Variants in SENP7 observed in about 807,000 individuals in gnomAD.
SENP7 encodes sentrin-specific protease 7.
Under a neutral mutation model 141.2 loss-of-function variants are expected in SENP7, and 64 were observed. The ratio of observed to expected loss-of-function variants is 0.45; its 90% confidence interval spans 0.37 to 0.56. The LOEUF (loss-of-function observed/expected upper bound fraction) is 0.56. Ranked by LOEUF, SENP7 falls within the 20% of genes least tolerant of loss-of-function variation. The pLI, the probability that SENP7 is intolerant of heterozygous loss-of-function variation, is 0.00. For synonymous variants in SENP7, 382 were observed against 426.4 expected, an observed-to-expected ratio of 0.90 and a Z score of 1.28; for missense variants, 1,025 against 1,212.2, an observed-to-expected ratio of 0.85 and a Z score of 2.29.
chr3:101,361,089 C>G (rs1273221831), intron 11 of SENP7, among the ~76,000 whole-genome samples: 1 of 151,910 alleles, frequency 6.6e-6, no homozygotes, highest in Non-Finnish European at 1.5e-5. Flanking sequence ...CCTGTAGTCC[C>G]AGCTACTCGG....
intron 3 of SENP7, among the ~76,000 whole-genome samples, chr3:101,468,156 G>GA (rs1267297573): frequency 1.3e-5 from 2 of 152,084 alleles, no homozygotes; most frequent in Admixed American, 6.5e-5. Context: ...CAAGGTTAGA[G>GA]AAAAAAGAGT....
chr3:101,425,378 C>T (rs2061927339), intron 4 of SENP7, among the ~76,000 whole-genome samples: 1 of 152,194 alleles, frequency 6.6e-6, no homozygotes, highest in African/African-American at 2.4e-5. Context: ...TTAGAGCACA[C>T]AGTCCAGGAG....
At position 101,425,777 on chromosome 3, in the gene SENP7, C is replaced by G. The variant is rs966851711; in HGVS notation, c.285-7987G>C. Reference sequence around the variant, plus strand: ...AGCTAAGAATCACAATAAAAAAATGCAGGAGCTAACAGACAAAATAGCCAG... The same window carrying G: ...AGCTAAGAATCACAATAAAAAAATGGAGGAGCTAACAGACAAAATAGCCAG... On this transcript the variant is annotated intron_variant, in intron 4 of 23. Transcript: ENST00000394095. Among the ~76,000 whole-genome samples, 6 of 152,096 alleles carry G rather than the reference C, an allele frequency of 3.9e-5. No homozygotes were observed. The South Asian group carries it at 1.2e-3, about 32-fold the overall frequency.
At chr3:101,329,775 TAAA>T (rs762298259) in intron 20 of SENP7, among the ~76,000 whole-genome samples, 2 of 100,454 alleles carry the variant, frequency 2.0e-5, no homozygotes. Context: ...CCATCTCTAC[TAAA>T]AAAAAAAAAA....
intron 5 of SENP7, among the ~76,000 whole-genome samples, chr3:101,405,390 T>C (rs1189859130): frequency 6.6e-6 from 1 of 152,118 alleles, no homozygotes; most frequent in Admixed American, 6.5e-5. Context: ...GCGAGAGTAC[T>C]ATAATAAGGG....
At chr3:101,481,211 A>G (rs1303221761) in intron 3 of SENP7, among the ~76,000 whole-genome samples, 1 of 152,204 alleles carries the variant, frequency 6.6e-6, no homozygotes, top group East Asian at 1.9e-4. Flanking sequence ...CACTACTCAC[A>G]ACAGCAATGA....
At chr3:101,400,418 T>G (rs1009295139) in intron 5 of SENP7, among the ~76,000 whole-genome samples, 5 of 151,920 alleles carry the variant, frequency 3.3e-5, no homozygotes, top group African/African-American at 1.2e-4. Flanking sequence ...GTAGAACACA[T>G]CTATCAGCAT....
At chr3:101,401,819 CA>C (rs1199325657) in intron 5 of SENP7, among the ~76,000 whole-genome samples, 1 of 151,652 alleles carries the variant, frequency 6.6e-6, no homozygotes, top group Non-Finnish European at 1.5e-5. Flanking sequence ...CCTGTCTCTA[CA>C]AAAAATAGAA....
intron 11 of SENP7, 146 bp downstream of exon 11, chr3:101,361,569 G>A: frequency 2.5e-6 from 2 of 788,542 alleles, no homozygotes. Flanking sequence ...TTCAAATTAG[G>A]TATAATGACT....
At chr3:101,422,346 T>C (rs1289882062) in intron 4 of SENP7, among the ~76,000 whole-genome samples, 3 of 152,176 alleles carry the variant, frequency 2.0e-5, no homozygotes, top group African/African-American at 7.2e-5. Context: ...AGGGTTATCA[T>C]TTGCAGGGGT....
intron 4 of SENP7, among the ~76,000 whole-genome samples, chr3:101,437,234 T>A (rs1264019387): frequency 6.6e-6 from 1 of 152,104 alleles, no homozygotes; most frequent in African/African-American, 2.4e-5. Flanking sequence ...AGAGAACTAG[T>A]GGGCTGAGGG....
chr3:101,325,848 GTTA>G lies in SENP7; in HGVS notation c.*92_*94del. On this transcript the variant is annotated 3_prime_UTR_variant, in exon 24 of 24. Coordinates refer to ENST00000394095, the MANE Select transcript of SENP7 (RefSeq NM_020654.5). ...ATGACTTATTATAAAACTACTGCAA[GTTA>G]TTTTCTTCTCTGTGAGCTGGCTAAC... is the stretch of plus-strand genomic sequence containing the variant. The G allele has an allele frequency of 8.7e-7, 1 of 1,152,228 alleles. No homozygotes were observed. Among genetic ancestry groups the G allele is most frequent in the Non-Finnish European group, 1.2e-6 (1 of 836,806 alleles). The allele number at this position is 1,152,228 out of a possible 1,614,324, so 71.4% of individuals were successfully genotyped here.
At chr3:101,394,451 G>C (rs2060905794) in intron 6 of SENP7, among the ~76,000 whole-genome samples, 1 of 151,996 alleles carries the variant, frequency 6.6e-6, no homozygotes, top group Non-Finnish European at 1.5e-5. Flanking sequence ...CTTTCCTTTA[G>C]ATAAATACTA....
intron 3 of SENP7, among the ~76,000 whole-genome samples, chr3:101,477,442 TAA>T (rs2064263704): frequency 6.6e-6 from 1 of 151,856 alleles, no homozygotes; most frequent in Admixed American, 6.6e-5. Context: ...AAAGCACTAT[TAA>T]GAGAGAAATT....
chr3:101,499,744 C>A (rs2065301561), intron 2 of SENP7, among the ~76,000 whole-genome samples: 1 of 151,994 alleles, frequency 6.6e-6, no homozygotes, highest in African/African-American at 2.4e-5. Flanking sequence ...ACCGTGTTAA[C>A]CAGGATGGTC....
At chr3:101,495,939 T>C (rs2065142638) in intron 2 of SENP7, among the ~76,000 whole-genome samples, 1 of 152,222 alleles carries the variant, frequency 6.6e-6, no homozygotes, top group Admixed American at 6.5e-5. Flanking sequence ...CCCTGGTACT[T>C]ATGCCTAACA....
At chr3:101,391,425 G>A (rs1386409998) in intron 6 of SENP7, among the ~76,000 whole-genome samples, 1 of 150,970 alleles carries the variant, frequency 6.6e-6, no homozygotes, top group African/African-American at 2.4e-5. Flanking sequence ...TGATACCACA[G>A]AAATACAAAG....
In SENP7 at chr3:101,330,402, T is replaced by C; in HGVS notation, c.2699-16A>G. 6.3e-7 allele frequency: 1 copy of C among 1,580,676 alleles called. No homozygotes were observed. Among genetic ancestry groups the C allele is most frequent in the Non-Finnish European group, 8.7e-7 (1 of 1,151,650 alleles). On this transcript the variant is annotated splice_polypyrimidine_tract_variant and intron_variant, in intron 19 of 23. Coordinates refer to ENST00000394095, the MANE Select transcript of SENP7 (RefSeq NM_020654.5). ...AGATCATTATCTAGTTAGAAATAAT[T>C]AAGCAGTTATGAGTGTTTATTGCAT...
At chr3:101,431,546 G>T (rs1261495629) in intron 4 of SENP7, among the ~76,000 whole-genome samples, 1 of 119,500 alleles carries the variant, frequency 8.4e-6, no homozygotes, top group African/African-American at 3.4e-5. Flanking sequence ...CCATTTGCCT[G>T]GTAGATCTTC....
Sources: gnomAD v4.1 joint callset for allele counts (sites outside exome capture counted in the v4.1 genomes callset) on GRCh38, gnomAD v4.1.1 for gene constraint, MANE v1.5 for transcripts, NCBI Gene and HGNC (gene_info 2026-07-23, HGNC 2026-07-21) for gene names.